The following TMTC1 variants were observed in gnomAD, a reference collection of about 807,000 sequenced individuals.
TMTC1 encodes protein O-mannosyl-transferase TMTC1.
In TMTC1, 73 loss-of-function variants were observed where a neutral mutation model predicts 104.8. The ratio of observed to expected loss-of-function variants is 0.70; its 90% CI spans 0.58 to 0.85. TMTC1 has a LOEUF of 0.85. Ranked by LOEUF, TMTC1 falls within the 40% of genes least tolerant of loss-of-function variation. The pLI is 0.00. For synonymous variants in TMTC1, 434 were observed against 428.7 expected, an observed-to-expected ratio of 1.01 and a Z score of -0.15; for missense variants, 1,035 against 1,096.1, an observed-to-expected ratio of 0.94 and a Z score of 0.79.
At chr12:29,767,809 C>T in intron 2 of TMTC1, 89 bp downstream of exon 2, 2 of 1,037,182 alleles carry the variant, frequency 1.9e-6, no homozygotes, top group Middle Eastern at 2.3e-4. Flanking sequence ...CACATATTTA[C>T]ATGTATATAT....
At chr12:29,775,221 AT>A (rs888367472) in intron 1 of TMTC1, among the ~76,000 whole-genome samples, 7 of 151,614 alleles carry the variant, frequency 4.6e-5, no homozygotes, top group East Asian at 1.9e-4. Flanking sequence ...AATTTTTAGC[AT>A]TTTTTTTTAA....
chr12:29,629,102 G>T (rs1053781619), intron 6 of TMTC1, among the ~76,000 whole-genome samples: 1 of 151,868 alleles, frequency 6.6e-6, no homozygotes, highest in Non-Finnish European at 1.5e-5. Flanking sequence ...GGTGGATCAC[G>T]AGGTCAGGAG....
chr12:29,620,513 A>G (rs902573280), intron 6 of TMTC1, among the ~76,000 whole-genome samples: 1 of 152,254 alleles, frequency 6.6e-6, no homozygotes, highest in Admixed American at 6.5e-5. Context: ...AATGACAATC[A>G]TAAGTCTGAT....
At chr12:29,709,621 A>G (rs1941843716) in intron 5 of TMTC1, among the ~76,000 whole-genome samples, 1 of 152,192 alleles carries the variant, frequency 6.6e-6, no homozygotes, top group African/African-American at 2.4e-5. Flanking sequence ...GAAATCAGAA[A>G]AAAATCCCAC....
intron 5 of TMTC1, chr12:29,660,785 T>C: frequency 1.1e-6 from 1 of 888,392 alleles, no homozygotes; most frequent in Non-Finnish European, 1.5e-6. Flanking sequence ...AGTATATATA[T>C]ATATATATAT....
chr12:29,731,225 A>G (rs1360235296), intron 5 of TMTC1, among the ~76,000 whole-genome samples: 1 of 152,136 alleles, frequency 6.6e-6, no homozygotes, highest in Admixed American at 6.6e-5. Flanking sequence ...GGTGCAATCT[A>G]GGCTCACTGC....
chr12:29,757,189 T>C (rs1943234640), intron 3 of TMTC1, among the ~76,000 whole-genome samples: 1 of 152,212 alleles, frequency 6.6e-6, no homozygotes, highest in Non-Finnish European at 1.5e-5. Context: ...TTCCACCCTT[T>C]AAACAAAACA....
intron 10 of TMTC1, among the ~76,000 whole-genome samples, chr12:29,546,394 A>C (rs1454351731): frequency 6.6e-6 from 1 of 152,142 alleles, no homozygotes; most frequent in Non-Finnish European, 1.5e-5. Flanking sequence ...GCCCTATATC[A>C]GGAGGGTACA....
intron 11 of TMTC1, among the ~76,000 whole-genome samples, chr12:29,525,103 G>A (rs1192946306): frequency 7.1e-6 from 1 of 140,898 alleles, no homozygotes. Flanking sequence ...GTGAGATTAT[G>A]AACCTAAGCT....
At chr12:29,553,739 C>T (rs1204062944) in intron 10 of TMTC1, among the ~76,000 whole-genome samples, 1 of 152,132 alleles carries the variant, frequency 6.6e-6, no homozygotes, top group Non-Finnish European at 1.5e-5. Context: ...GTAGCCATTG[C>T]CAAGTTCCAA....
chr12:29,642,802 G>A (rs1240403653), intron 5 of TMTC1, among the ~76,000 whole-genome samples: 1 of 151,976 alleles, frequency 6.6e-6, no homozygotes, highest in African/African-American at 2.4e-5. Flanking sequence ...GCGGGCGCCT[G>A]TGGTCCCAGC....
chr12:29,520,571 T>G, intron 12 of TMTC1, 47 bp downstream of exon 12: 2 of 1,476,404 alleles, frequency 1.4e-6, no homozygotes, highest in Non-Finnish European at 1.9e-6. Context: ...CTTGATAAAT[T>G]GTATTAGCTA....
intron 5 of TMTC1, among the ~76,000 whole-genome samples, chr12:29,744,263 C>A (rs958148438): frequency 4.6e-5 from 7 of 152,104 alleles, no homozygotes; most frequent in African/African-American, 7.2e-5. Flanking sequence ...GCAGAATGAA[C>A]CAGGGACTGT....
At chr12:29,772,964 G>C (rs188148884) in intron 1 of TMTC1, among the ~76,000 whole-genome samples, 47 of 152,230 alleles carry the variant, frequency 3.1e-4, no homozygotes, top group Admixed American at 6.5e-4. Context: ...AATTGGAAAA[G>C]ATCATCTTTC....
chr12:29,502,663 T>A lies in TMTC1; in HGVS notation c.*4183A>T, dbSNP rs906001914. On this transcript the variant is annotated 3_prime_UTR_variant, in exon 18 of 18. Coordinates refer to ENST00000539277, the MANE Select transcript of TMTC1 (RefSeq NM_001193451.2). ...TAGCCTCAACCAACCAATTGTGCCA[T>A]ACATCATTGTTAAGACTTCTTTGGC... 2 of 152,206 alleles carry A rather than the reference T, an allele frequency of 1.3e-5. No homozygotes were observed. The highest frequency in any genetic ancestry group is 2.4e-5 in the African/African-American group (1 of 41,440). The allele number at this position is 152,206 out of a possible 1,614,324, so 9.4% of individuals were successfully genotyped here.
chr12:29,545,629 T>TCTCACA (rs1333007328), intron 10 of TMTC1, among the ~76,000 whole-genome samples: 6 of 73,530 alleles, frequency 8.2e-5, no homozygotes, highest in African/African-American at 2.9e-4. Context: ...CAAGACTCTG[T>TCTCACA]CACACACACA....
Position 29,751,672 on chromosome 12 carries a change from A to T in TMTC1, c.932T>A (p.Met311Lys). 1 of 1,614,118 alleles carries T rather than the reference A, an allele frequency of 6.2e-7. No individual in the cohort carries two copies. Among genetic ancestry groups the T allele is most frequent in the Non-Finnish European group, 8.5e-7 (1 of 1,180,018 alleles). Residue 311 changes from methionine to lysine, a missense_variant, in exon 5 of 18, where the codon ATG (methionine) becomes AAG (lysine). Coordinates refer to ENST00000539277, the MANE Select transcript of TMTC1 (RefSeq NM_001193451.2). ...AAGAAACCCAGCCCAGTACCTCATC[A>T]TGGACCACACAGCTCGTGGGGACAC... ...FPVSPRAVWS[M>K]MRFLTYSYLL...
chr12:29,632,789 CT>C (rs1164822517), intron 6 of TMTC1, among the ~76,000 whole-genome samples: 4 of 152,182 alleles, frequency 2.6e-5, no homozygotes, highest in Non-Finnish European at 5.9e-5. Flanking sequence ...CCAACTACCC[CT>C]GGCAGTCACT....
At chr12:29,771,724 ACAGT>A (rs1194212729) in intron 1 of TMTC1, among the ~76,000 whole-genome samples, 13 of 152,184 alleles carry the variant, frequency 8.5e-5, no homozygotes, top group Non-Finnish European at 1.5e-4. Flanking sequence ...GGGGCAGCAG[ACAGT>A]CAGAGGACTT....
Sources: gnomAD v4.1 joint callset for allele counts (sites outside exome capture counted in the v4.1 genomes callset) on GRCh38, gnomAD v4.1.1 for gene constraint, MANE v1.5 for transcripts, NCBI Gene and HGNC (gene_info 2026-07-23, HGNC 2026-07-21) for gene names.